Variants in KLHL5 observed in about 807,000 individuals in gnomAD.
KLHL5 encodes kelch-like protein 5.
In KLHL5, 48 loss-of-function variants were observed where a neutral mutation model predicts 77.7. The observed-to-expected ratio is 0.62, with a 90% CI of 0.49 to 0.79. The LOEUF (loss-of-function observed/expected upper bound fraction) is 0.79, where lower values mean the gene tolerates loss of function less well. Ranked by LOEUF, KLHL5 falls within the 30% of genes least tolerant of loss-of-function variation. KLHL5 has a pLI of 0.00. For synonymous variants in KLHL5, 260 were observed against 297.0 expected (o/e 0.88, Z 1.28); for missense variants, 723 against 859.7 (o/e 0.84, Z 1.99).
intron 4 of KLHL5, among the ~76,000 whole-genome samples, 153 bp from the exon 5 acceptor site, chr4:39,086,361 CT>C (rs1207256590): frequency 2.0e-5 from 3 of 151,888 alleles, no homozygotes; most frequent in Non-Finnish European, 4.4e-5. Flanking sequence ...TTTTTCTCTG[CT>C]GTGTTTCTTT....
At chr4:39,074,143 G>A (rs1718777842) in intron 1 of KLHL5, among the ~76,000 whole-genome samples, 1 of 152,028 alleles carries the variant, frequency 6.6e-6, no homozygotes, top group African/African-American at 2.4e-5. Flanking sequence ...GATTTTCCAA[G>A]TCATTACACC....
At chr4:39,065,824 C>T (rs1560410041) in intron 1 of KLHL5, among the ~76,000 whole-genome samples, 1 of 151,848 alleles carries the variant, frequency 6.6e-6, no homozygotes, top group Non-Finnish European at 1.5e-5. Context: ...TCGTTTTAAC[C>T]GTCATAATAT....
At chr4:39,106,764 T>C (rs1722066655) in intron 7 of KLHL5, among the ~76,000 whole-genome samples, 1 of 152,242 alleles carries the variant, frequency 6.6e-6, no homozygotes, top group African/African-American at 2.4e-5. Flanking sequence ...TCTAAAACTT[T>C]TAATTTTTTT....
Position 39,081,728 on chromosome 4 carries a change from A to G in KLHL5, c.704-235A>G, listed in dbSNP as rs954347694. Among the ~76,000 whole-genome samples the G allele has an allele frequency of 3.3e-5, 5 of 152,160 alleles. No homozygotes were observed. Among genetic ancestry groups the G allele is most frequent in the Admixed American group, 2.6e-4 (4 of 15,270 alleles). On this transcript the variant is annotated intron_variant, in intron 3 of 10. Coordinates refer to ENST00000504108, the MANE Select transcript of KLHL5 (RefSeq NM_015990.5). This position sits in a 1 kb window ranked among gnomAD's most constrained non-coding sequence, Gnocchi z 4.3. ...TATAGTAGACATAAGTTACTAACGT[A>G]TCATTTTAAAATTCTGAAAATAAGC...
chr4:39,110,320 G>A (rs1195585392), intron 8 of KLHL5, among the ~76,000 whole-genome samples: 2 of 152,150 alleles, frequency 1.3e-5, no homozygotes, highest in Non-Finnish European at 1.5e-5. Context: ...CAGATAAGAG[G>A]CTGAAATGGT....
intron 8 of KLHL5, 78 bp downstream of exon 8, chr4:39,107,809 A>G (rs2109547567): frequency 9.9e-7 from 1 of 1,005,632 alleles, no homozygotes; most frequent in East Asian, 2.6e-5. Context: ...ATTTAAAGAT[A>G]TACATAAATA....
upstream of KLHL5, chr4:39,044,869 G>A: frequency 1.1e-6 from 1 of 872,296 alleles, no homozygotes; most frequent in South Asian, 5.2e-5. Context: ...CCCCTCCGGG[G>A]CCACCCGGGG....
intron 1 of KLHL5, among the ~76,000 whole-genome samples, chr4:39,069,453 TATATATATATATATATATATAC>T (rs1297242647): frequency 0.21 from 10,926 of 51,026 alleles, 648 homozygotes; most frequent in East Asian, 0.46. Context: ...TATATATATA[TATATATATATATATATATATAC>T]ACACACACAC....
chr4:39,139,620 A>G, the KLHL5 span, among the ~76,000 whole-genome samples: 2 of 152,056 alleles, frequency 1.3e-5, no homozygotes, highest in Non-Finnish European at 2.9e-5. Flanking sequence ...ATAACGGGGG[A>G]AGGCTATGCA....
At chr4:39,091,675 CT>C (rs768659763) in intron 5 of KLHL5, among the ~76,000 whole-genome samples, 297 of 140,856 alleles carry the variant, frequency 2.1e-3, no homozygotes, top group Non-Finnish European at 2.3e-3. Context: ...ACTAAAACAA[CT>C]TTTTTTTTTT....
In KLHL5 at chr4:39,121,346, CCCAGTGCTAACTGGGGGTT is replaced by C; in HGVS notation, c.*281_*299del. 2.5e-6 allele frequency: 1 copy of C among 404,122 alleles called. No individual in the cohort carries two copies. 25.0% of individuals were successfully genotyped at this position (404,122 alleles called of 1,614,324 possible). A position where few individuals can be genotyped will look rare whatever the true frequency, so the allele number is the denominator to read the frequency against. On this transcript the variant is annotated 3_prime_UTR_variant, in exon 11 of 11. Transcript: ENST00000504108. ...ACGAATGCACTGCTCTGGAACATAA[CCCAGTGCTAACTGGGGGTT>C]TCATTTATTCAGTCAAGCACATCTT...
intron 2 of KLHL5, among the ~76,000 whole-genome samples, chr4:39,078,702 C>T (rs1364497651): frequency 6.6e-6 from 1 of 151,688 alleles, no homozygotes; most frequent in Non-Finnish European, 1.5e-5. Flanking sequence ...TCTGTCTTCA[C>T]CCCCAGCAAA....
At chr4:39,111,207 T>C (rs1456407469) in intron 8 of KLHL5, among the ~76,000 whole-genome samples, 2 of 152,248 alleles carry the variant, frequency 1.3e-5, no homozygotes, top group African/African-American at 4.8e-5. Flanking sequence ...TTAATTTTTC[T>C]CTGTAAATGT....
At chr4:39,138,585 T>G in the KLHL5 span, among the ~76,000 whole-genome samples, 2 of 151,912 alleles carry the variant, frequency 1.3e-5, no homozygotes, top group Non-Finnish European at 2.9e-5. Flanking sequence ...GGGAACAACA[T>G]ACACTGGGGC....
chr4:39,130,277 C>T (rs778698437), downstream of KLHL5, among the ~76,000 whole-genome samples: 5 of 152,044 alleles, frequency 3.3e-5, no homozygotes, highest in African/African-American at 1.2e-4. Context: ...AGGGATGGGC[C>T]GAATTAAAGG....
intron 1 of KLHL5, among the ~76,000 whole-genome samples, chr4:39,074,349 T>C (rs1718798386): frequency 6.6e-6 from 1 of 152,220 alleles, no homozygotes; most frequent in South Asian, 2.1e-4. Flanking sequence ...AACAGATAAA[T>C]CTTAGTTCAA....
At chr4:39,057,187 T>C (rs1560404334) in intron 1 of KLHL5, among the ~76,000 whole-genome samples, 1 of 152,188 alleles carries the variant, frequency 6.6e-6, no homozygotes, top group Non-Finnish European at 1.5e-5. Context: ...GTGCCATTAA[T>C]TTATTCATTT....
At chr4:39,046,659 C>G (rs1319463861) in intron 1 of KLHL5, among the ~76,000 whole-genome samples, 2 of 152,170 alleles carry the variant, frequency 1.3e-5, no homozygotes, top group Non-Finnish European at 2.9e-5. Flanking sequence ...TCTGCCCTAA[C>G]CAAGGCGTTT....
chr4:39,079,328 A>G (rs1462785758), intron 2 of KLHL5, among the ~76,000 whole-genome samples: 5 of 152,132 alleles, frequency 3.3e-5, no homozygotes, highest in Non-Finnish European at 7.3e-5. Context: ...CATGTCACTG[A>G]GTGTGAAAGG....
Sources: gnomAD v4.1 joint callset for allele counts (sites outside exome capture counted in the v4.1 genomes callset) on GRCh38, gnomAD v4.1.1 for gene constraint, Gnocchi (gnomAD v3.1) non-coding constraint, MANE v1.5 for transcripts, NCBI Gene and HGNC (gene_info 2026-07-23, HGNC 2026-07-21) for gene names.